CYFIP1: variants seen among roughly 807,000 people sequenced by gnomAD.
CYFIP1 encodes the protein cytoplasmic FMR1-interacting protein 1.
Under a neutral mutation model 163.5 loss-of-function variants are expected in CYFIP1, and 58 were observed. That is an observed-to-expected ratio of 0.35 (90% CI 0.29 to 0.44). The LOEUF (loss-of-function observed/expected upper bound fraction) is 0.44, where lower values mean the gene tolerates loss of function less well. Ranked by LOEUF, CYFIP1 falls within the 20% of genes least tolerant of loss-of-function variation. CYFIP1 has a pLI of 1.00. For synonymous variants in CYFIP1, 663 were observed against 660.7 expected, an observed-to-expected ratio of 1.00 and a Z score of -0.05; for missense variants, 1,338 against 1,653.8, an observed-to-expected ratio of 0.81 and a Z score of 3.31.
At chr15:22,895,957 A>G (rs1021779765) in intron 22 of CYFIP1, among the ~76,000 whole-genome samples, 3 of 152,136 alleles carry the variant, frequency 2.0e-5, no homozygotes, top group African/African-American at 2.4e-5. Context: ...CATCCTTCCA[A>G]CAAGCATCCT....
chr15:22,929,739 T>C (rs959117333), intron 11 of CYFIP1, among the ~76,000 whole-genome samples: 6 of 142,254 alleles, frequency 4.2e-5, no homozygotes, highest in Non-Finnish European at 9.1e-5. Flanking sequence ...ATCAAGACCA[T>C]CCTGGCTAAC....
intron 1 of CYFIP1, among the ~76,000 whole-genome samples, chr15:22,977,600 G>A (rs537160519): frequency 8.5e-5 from 13 of 152,302 alleles, no homozygotes; most frequent in Non-Finnish European, 1.3e-4. Flanking sequence ...GGAGGCCGAG[G>A]TGGGTGGATC....
chr15:22,904,557 T>C (rs927799764), intron 21 of CYFIP1: 3 of 153,136 alleles, frequency 2.0e-5, no homozygotes, highest in Non-Finnish European at 2.9e-5. Flanking sequence ...GGTGAATTAA[T>C]ATGGGGATAC....
At chr15:22,923,874 T>C (rs780930267) in intron 13 of CYFIP1, among the ~76,000 whole-genome samples, 1 of 143,164 alleles carries the variant, frequency 7.0e-6, no homozygotes, top group African/African-American at 2.7e-5. Flanking sequence ...GCCCAGAAGA[T>C]TGAGGCTGCA....
At chr15:22,952,853 T>C (rs2062305234) in intron 1 of CYFIP1, among the ~76,000 whole-genome samples, 2 of 152,192 alleles carry the variant, frequency 1.3e-5, no homozygotes, top group Admixed American at 1.3e-4. Flanking sequence ...TTGTAAGCTC[T>C]TTCTTTCTCC....
Position 22,918,706 on chromosome 15 carries a change from C to A in CYFIP1, c.1512G>T (p.Lys504Asn), listed in dbSNP as rs1201421964. Reference sequence around the variant, plus strand: ...GGAAGGCTGACCTCTGGATGACGTTCTTCTTCTTCTTGATGGCCTGCCGCA... The same window carrying A: ...GGAAGGCTGACCTCTGGATGACGTTATTCTTCTTCTTGATGGCCTGCCGCA... ...EPLRQAIKKK[K>N]NVIQSVLQAI... The change falls in exon 14 of 31, where the codon AAG becomes AAT. Residue 504 changes from lysine to asparagine, a missense_variant. This residue lies in a region of CYFIP1 where 824 missense variants were observed against 995.7 expected (regional missense o/e 0.83). Transcript: ENST00000617928. 1 of 1,587,044 alleles carries A rather than the reference C, an allele frequency of 6.3e-7. No individual in the cohort carries two copies. The highest frequency in any genetic ancestry group is 1.2e-5 in the South Asian group (1 of 86,888).
chr15:22,908,773 C>T (rs1751302840), intron 21 of CYFIP1, among the ~76,000 whole-genome samples: 1 of 152,034 alleles, frequency 6.6e-6, no homozygotes, highest in Non-Finnish European at 1.5e-5. Context: ...AAATGATCCA[C>T]CCCCGCAGGC....
At chr15:22,907,751 G>C (rs79854322) in intron 21 of CYFIP1, among the ~76,000 whole-genome samples, 1 of 152,176 alleles carries the variant, frequency 6.6e-6, no homozygotes, top group African/African-American at 2.4e-5. Flanking sequence ...AGAGTTGGGG[G>C]GTGGTCAGGT....
At chr15:22,894,877 A>ATATATT (rs1555401576) in intron 22 of CYFIP1, among the ~76,000 whole-genome samples, 2 of 138,312 alleles carry the variant, frequency 1.4e-5, no homozygotes, top group South Asian at 4.5e-4. Flanking sequence ...ATATATATAT[A>ATATATT]TTTTTTTTTT....
intron 22 of CYFIP1, among the ~76,000 whole-genome samples, chr15:22,899,227 G>A (rs1477813956): frequency 6.6e-6 from 1 of 152,110 alleles, no homozygotes; most frequent in Admixed American, 6.5e-5. Context: ...AGGATCCTCA[G>A]TGTTTAATGA....
At chr15:22,969,754 C>A (rs867837410) in intron 1 of CYFIP1, among the ~76,000 whole-genome samples, 37 of 152,184 alleles carry the variant, frequency 2.4e-4, no homozygotes, top group Middle Eastern at 3.4e-3. Flanking sequence ...ATATGCTATC[C>A]ACTAGAAACA....
chr15:22,934,174 TTTC>T (rs2061629611), intron 9 of CYFIP1, among the ~76,000 whole-genome samples: 2 of 129,064 alleles, frequency 1.5e-5, no homozygotes, highest in Admixed American at 8.2e-5. Flanking sequence ...ACTGCATTTC[TTTC>T]TTTTTTTTTT....
intron 25 of CYFIP1, among the ~76,000 whole-genome samples, chr15:22,880,640 G>A (rs1161461389): frequency 6.6e-6 from 1 of 152,196 alleles, no homozygotes; most frequent in African/African-American, 2.4e-5. Context: ...ACAGAAACCG[G>A]CAGCTGACCG....
chr15:22,876,774 T>C (rs2059597286), intron 26 of CYFIP1, among the ~76,000 whole-genome samples: 1 of 151,708 alleles, frequency 6.6e-6, no homozygotes, highest in African/African-American at 2.4e-5. Flanking sequence ...GAAGTTGTGG[T>C]GAGTCAAGAT....
intron 21 of CYFIP1, among the ~76,000 whole-genome samples, chr15:22,906,160 G>A (rs1380617724): frequency 6.7e-6 from 1 of 150,020 alleles, no homozygotes. Context: ...AGGCTGGAGT[G>A]CAATGGTACA....
In CYFIP1 at chr15:22,872,855, A is replaced by T. The variant is rs773804388; in HGVS notation, c.3567T>A (p.His1189Gln). 4.3e-6 allele frequency: 7 copies of T among 1,614,078 alleles called. No homozygotes were observed. In the East Asian group the frequency reaches 1.6e-4, roughly 36 times the overall value. Residue 1189 changes from histidine to glutamine, a missense_variant, in exon 30 of 31, where the codon CAT (histidine) becomes CAA (glutamine). His to Gln is a conservative substitution (Grantham distance 24, BLOSUM62 0). Around this residue, in one of 4 missense-constraint regions of CYFIP1, gnomAD observed 306 missense variants for 322.1 expected, o/e 0.95. Transcript: ENST00000617928. ...TTTTAATAATCTCATCTTTGCCATCATGTTTCTGGACTTTAAGTAGATGGT... is the reference window on the plus strand; with the variant it reads ...TTTTAATAATCTCATCTTTGCCATCTTGTTTCTGGACTTTAAGTAGATGGT... Reference protein sequence around the residue: ...FCYHLLKVQKHDGKDEIIKNV... With the variant: ...FCYHLLKVQKQDGKDEIIKNV...
At chr15:22,921,545 G>A (rs2061177667) in intron 13 of CYFIP1, among the ~76,000 whole-genome samples, 2 of 151,964 alleles carry the variant, frequency 1.3e-5, no homozygotes, top group South Asian at 4.2e-4. Flanking sequence ...GCCAGGCACA[G>A]TAGCTCACGC....
At chr15:22,961,547 T>G (rs1219417823) in intron 1 of CYFIP1, among the ~76,000 whole-genome samples, 1 of 151,842 alleles carries the variant, frequency 6.6e-6, no homozygotes, top group Non-Finnish European at 1.5e-5. Flanking sequence ...TCTGGCTAAT[T>G]TTTTTGATTT....
intron 1 of CYFIP1, among the ~76,000 whole-genome samples, chr15:22,979,911 G>C (rs2063414996): frequency 6.6e-6 from 1 of 152,186 alleles, no homozygotes; most frequent in African/African-American, 2.4e-5. Context: ...AAACACTAAG[G>C]TATTCCTTCG....
Sources: gnomAD v4.1 joint callset for allele counts (sites outside exome capture counted in the v4.1 genomes callset) on GRCh38, gnomAD v4.1.1 for gene constraint, gnomAD v4.1.1 regional missense constraint, MANE v1.5 for transcripts, NCBI Gene and HGNC (gene_info 2026-07-23, HGNC 2026-07-21) for gene names.